The following NINL variants were observed in gnomAD, a reference collection of about 807,000 sequenced individuals.
The protein encoded by NINL is ninein like.
NINL carries 153 observed loss-of-function variants against 160.3 expected under a neutral mutation model. That is an observed-to-expected ratio of 0.95 (90% CI 0.84 to 1.09). The LOEUF is 1.09. Among genes scored for constraint, NINL ranks in the 50% least tolerant of loss-of-function variants. The probability of loss-of-function intolerance (pLI) is 0.00; values close to 1 mark genes in which losing one functional copy is unlikely to be tolerated. For missense variants in NINL, 1,829 were observed against 1,764.0 expected (o/e 1.04, Z -0.66); for synonymous variants, 800 against 734.8 (o/e 1.09, Z -1.43).
intron 1 of NINL, among the ~76,000 whole-genome samples, chr20:25,536,568 C>T (rs929013897): frequency 6.6e-6 from 1 of 152,078 alleles, no homozygotes. Flanking sequence ...AAAATACAAA[C>T]ATTAGCTGGG....
intron 1 of NINL, among the ~76,000 whole-genome samples, chr20:25,578,335 T>G (rs2065138868): frequency 6.6e-6 from 1 of 151,778 alleles, no homozygotes. Context: ...CTCAAATTCC[T>G]GACCTCAAGT....
chr20:25,472,531 A>G (rs1160759772), intron 17 of NINL, among the ~76,000 whole-genome samples: 1 of 148,320 alleles, frequency 6.7e-6, no homozygotes, highest in Non-Finnish European at 1.5e-5. Flanking sequence ...AACAGGGAAA[A>G]TATTTCTTTT....
At chr20:25,562,053 C>T (rs542154700) in intron 1 of NINL, among the ~76,000 whole-genome samples, 165 of 142,592 alleles carry the variant, frequency 1.2e-3, no homozygotes, top group African/African-American at 3.8e-3. Context: ...CCCGGCCAGC[C>T]GCCCCGTCCG....
At chr20:25,547,670 A>G (rs926915920) in intron 1 of NINL, among the ~76,000 whole-genome samples, 1 of 152,140 alleles carries the variant, frequency 6.6e-6, no homozygotes, top group Non-Finnish European at 1.5e-5. Flanking sequence ...TAGAGAAACC[A>G]TGTTTTCCAT....
intron 19 of NINL, 156 bp from the exon 20 acceptor site, chr20:25,462,697 C>G (rs1365898756): frequency 1.5e-6 from 1 of 654,092 alleles, no homozygotes; most frequent in Non-Finnish European, 2.5e-6. Context: ...CTCTGTTGCC[C>G]TGGCTGGAGT....
chr20:25,483,872 C>T lies in NINL; in HGVS notation c.1678-1772G>A, dbSNP rs1057409848. Among the ~76,000 whole-genome samples the T allele has an allele frequency of 5.3e-5, 8 of 152,262 alleles. No individual in the cohort carries two copies. In the East Asian group the frequency reaches 7.7e-4, roughly 15 times the overall value. On this transcript the variant is annotated intron_variant, in intron 13 of 23. Transcript: ENST00000278886. ...GGCTGTGCATGCTTCCCCATTCACA[C>T]GTGGCTGGGGCCTCGGTCCCCAGCC...
intron 2 of NINL, among the ~76,000 whole-genome samples, chr20:25,519,045 C>T (rs759669234): frequency 4.7e-4 from 67 of 144,022 alleles, no homozygotes; most frequent in Non-Finnish European, 8.9e-4. Context: ...TGCAGTGAGC[C>T]GAGATAGCGC....
rs186437806 is a variant in NINL at position 25,524,424 on chromosome 20, C to G, written c.180+1984G>C. Among the ~76,000 whole-genome samples the G allele has an allele frequency of 2.7e-3, 417 of 152,310 alleles. 1 individual carries two copies. Among genetic ancestry groups the G allele is most frequent in the African/African-American group, 8.8e-3 (365 of 41,570 alleles). On this transcript the variant is annotated intron_variant, in intron 2 of 23. Transcript: ENST00000278886. Reference sequence around the variant, plus strand: ...GCTGTAGGAGGGGATGGAGCTGGGACAGACGGAAGGACGATGGCTGGACAC... The same window carrying G: ...GCTGTAGGAGGGGATGGAGCTGGGAGAGACGGAAGGACGATGGCTGGACAC...
chr20:25,569,687 T>C (rs1415311517), intron 1 of NINL, among the ~76,000 whole-genome samples: 1 of 152,100 alleles, frequency 6.6e-6, no homozygotes, highest in African/African-American at 2.4e-5. Context: ...GTAACCCAGA[T>C]TCCCTCAGAG....
intron 1 of NINL, among the ~76,000 whole-genome samples, chr20:25,559,264 T>C (rs1555877221): frequency 6.6e-6 from 1 of 152,150 alleles, no homozygotes; most frequent in Non-Finnish European, 1.5e-5. Flanking sequence ...TTCTTTGAGA[T>C]GGAGTCTCAC....
intron 1 of NINL, among the ~76,000 whole-genome samples, chr20:25,548,042 T>G (rs1351923217): frequency 1.3e-5 from 2 of 152,202 alleles, no homozygotes; most frequent in Non-Finnish European, 2.9e-5. Context: ...ACAGCTATAC[T>G]CCTGGGATCC....
chr20:25,473,239 C>T (rs983328979), intron 17 of NINL, among the ~76,000 whole-genome samples: 4 of 152,106 alleles, frequency 2.6e-5, no homozygotes, highest in African/African-American at 7.2e-5. Context: ...GTAACACAGA[C>T]GTGTTCAATT....
At chr20:25,481,815 A>G (rs2146582608) in intron 14 of NINL, 153 bp downstream of exon 14, 4 of 1,131,766 alleles carry the variant, frequency 3.5e-6, no homozygotes, top group Non-Finnish European at 3.7e-6. Context: ...GCATCCCTGG[A>G]TCCTCCTTGG....
chr20:25,502,403 T>C (rs2063886666), intron 7 of NINL, among the ~76,000 whole-genome samples: 1 of 152,164 alleles, frequency 6.6e-6, no homozygotes, highest in South Asian at 2.1e-4. Flanking sequence ...AGCAAGGAAG[T>C]ATCCAGCCCC....
At position 25,498,813 on chromosome 20, in the gene NINL, C is replaced by T. The variant is rs965889695; in HGVS notation, c.1033-467G>A. The T allele has an allele frequency of 3.5e-5, 28 of 808,300 alleles. 1 individual carries two copies. In the African/African-American group the frequency reaches 4.7e-4, roughly 13 times the overall value. 50.1% of individuals were successfully genotyped at this position (808,300 alleles called of 1,614,324 possible). The stretch of plus-strand genomic sequence containing the variant: ...GATGGAGGGGGTCCCCACAGCAGCC[C>T]TCAGGCTTAAAGCCAAAAAGCTTTC... On this transcript the variant is annotated intron_variant, in intron 8 of 23. Coordinates refer to ENST00000278886, the MANE Select transcript of NINL (RefSeq NM_025176.6).
chr20:25,462,500 C>G lies in NINL; in HGVS notation c.3465G>C (p.Arg1155Ser), dbSNP rs202142466. Residue 1155 changes from arginine to serine, a missense_variant, in exon 20 of 24, where the codon AGG becomes AGC. Physicochemically the swap from Arg to Ser is moderately radical, Grantham distance 110. Coordinates refer to ENST00000278886, the MANE Select transcript of NINL (RefSeq NM_025176.6). ...YKDQLSQLNV[R>S]VLQLGQEAST... ...AAGCCTCCTGTCCCAGTTGAAGAAC[C>G]CTGACATTGAGCTGGGATAATTGAT... 4 of 1,614,124 alleles carry G rather than the reference C, an allele frequency of 2.5e-6. No homozygotes were observed. Among genetic ancestry groups the G allele is most frequent in the South Asian group, 1.1e-5 (1 of 91,074 alleles).
At chr20:25,512,284 C>A (rs1420541097) in intron 4 of NINL, among the ~76,000 whole-genome samples, 1 of 152,206 alleles carries the variant, frequency 6.6e-6, no homozygotes, top group Non-Finnish European at 1.5e-5. Flanking sequence ...ACACTCCTAA[C>A]CTCGAGGCTG....
intron 13 of NINL, 92 bp from the exon 14 acceptor site, chr20:25,482,192 G>A (rs2063405442): frequency 6.9e-7 from 1 of 1,450,878 alleles, no homozygotes; most frequent in African/African-American, 1.4e-5. Flanking sequence ...GTCCCTTGCA[G>A]GTGAGGTGCA....
At chr20:25,565,667 T>C (rs76432372) in intron 1 of NINL, among the ~76,000 whole-genome samples, 1 of 152,164 alleles carries the variant, frequency 6.6e-6, no homozygotes, top group East Asian at 1.9e-4. Flanking sequence ...AAGAAATACG[T>C]AGAAACCCGC....
Sources: allele counts gnomAD v4.1 joint callset (sites outside exome capture counted in the v4.1 genomes callset), GRCh38; gene constraint gnomAD v4.1.1; transcripts MANE v1.5; gene names NCBI Gene and HGNC (gene_info 2026-07-23, HGNC 2026-07-21).